Variants in EIF2AK4 observed in about 807,000 individuals in gnomAD.
EIF2AK4 encodes eukaryotic translation initiation factor 2 alpha kinase 4.
EIF2AK4 carries 139 observed loss-of-function variants against 211.1 expected under a neutral mutation model. That is an observed-to-expected ratio of 0.66 (90% CI 0.57 to 0.76). EIF2AK4 has a LOEUF of 0.76. Ranked by LOEUF, EIF2AK4 falls within the 30% of genes least tolerant of loss-of-function variation. The pLI is 0.00. For missense variants in EIF2AK4, 1,664 were observed against 2,043.8 expected (o/e 0.81, Z 3.58); for synonymous variants, 710 against 751.3 (o/e 0.94, Z 0.90).
chr15:40,000,843 A>T, intron 20 of EIF2AK4, 145 bp from the exon 21 acceptor site: 1 of 763,016 alleles, frequency 1.3e-6, no homozygotes, highest in South Asian at 1.7e-5. Context: ...AAAAATAATG[A>T]CCTATTCAGA....
rs369547370 is a variant in EIF2AK4 at position 40,003,142 on chromosome 15, C to T, written c.3236-51C>T. 38 of 1,604,000 alleles carry T rather than the reference C, an allele frequency of 2.4e-5. 1 individual carries two copies. The African/African-American group carries it at 3.2e-4, about 14-fold the overall frequency. ...GTTTGTGTTAATTTTAGGTTGCCTT[C>T]TAAGGAGAATGTGAACCTGATGATG... On this transcript the variant is annotated intron_variant, in intron 22 of 38. Transcript: ENST00000263791.
intron 6 of EIF2AK4, among the ~76,000 whole-genome samples, chr15:39,959,867 G>A (rs2034442056): frequency 6.6e-6 from 1 of 152,154 alleles, no homozygotes; most frequent in African/African-American, 2.4e-5. Context: ...CTGATGTTTA[G>A]AATATGTGGA....
chr15:40,010,052 A>G (rs1185438379), intron 26 of EIF2AK4, among the ~76,000 whole-genome samples: 2 of 152,256 alleles, frequency 1.3e-5, no homozygotes, highest in South Asian at 2.1e-4. Flanking sequence ...CAACCTACTT[A>G]TTAAGGCAAA....
chr15:40,017,102 T>A lies in EIF2AK4; in HGVS notation c.3931-6T>A. 1 of 1,610,258 alleles carries A rather than the reference T, an allele frequency of 6.2e-7. No homozygotes were observed. Among genetic ancestry groups the A allele is most frequent in the Non-Finnish European group, 8.5e-7 (1 of 1,176,686 alleles). On this transcript the variant is annotated splice_polypyrimidine_tract_variant and splice_region_variant and intron_variant, in intron 28 of 38. Coordinates refer to ENST00000263791, the MANE Select transcript of EIF2AK4 (RefSeq NM_001013703.4). ...TGACACATTTGTGTGGCATCTCTCT[T>A]TATAGGTCTTGATCAATTTGGGCTT...
At chr15:39,957,190 A>G (rs1460194993) in intron 6 of EIF2AK4, among the ~76,000 whole-genome samples, 1 of 152,228 alleles carries the variant, frequency 6.6e-6, no homozygotes, top group Non-Finnish European at 1.5e-5. Flanking sequence ...TTTCAGATAT[A>G]TGGAAGATGA....
chr15:39,961,052 C>A (rs2034464778), intron 6 of EIF2AK4, among the ~76,000 whole-genome samples: 1 of 152,158 alleles, frequency 6.6e-6, no homozygotes, highest in South Asian at 2.1e-4. Context: ...ACCCTCTCCC[C>A]TAATTTATTG....
In EIF2AK4 at chr15:40,019,311, C is replaced by T. The variant is rs1393390464; in HGVS notation, c.4173+111C>T. On this transcript the variant is annotated intron_variant, in intron 30 of 38. Transcript: ENST00000263791. ...GGGCTTCTGATGTGAAAGCTATAGA[C>T]GTAGGGTTTTGAAACTTACCTTTAA... is the stretch of plus-strand genomic sequence containing the variant. 2.0e-5 allele frequency: 16 copies of T among 793,316 alleles called. 1 individual carries two copies. In the East Asian group the frequency reaches 2.4e-4, roughly 12 times the overall value. 49.1% of individuals were successfully genotyped at this position (793,316 alleles called of 1,614,324 possible).
At chr15:39,986,619 C>T (rs578255623) in intron 14 of EIF2AK4, among the ~76,000 whole-genome samples, 6 of 152,280 alleles carry the variant, frequency 3.9e-5, no homozygotes, top group African/African-American at 7.2e-5. Context: ...TTTGGGAGGC[C>T]GAGGCGGGTG....
At chr15:39,991,834 T>G in intron 16 of EIF2AK4, 1 of 174,962 alleles carries the variant, frequency 5.7e-6, no homozygotes, top group Non-Finnish European at 1.2e-5. Context: ...GAAAGATGAA[T>G]TTGTTGTTTT....
At chr15:39,962,151 T>TG (rs1304080668) in intron 7 of EIF2AK4, among the ~76,000 whole-genome samples, 1 of 152,268 alleles carries the variant, frequency 6.6e-6, no homozygotes, top group African/African-American at 2.4e-5. Flanking sequence ...CCCAATACTT[T>TG]GGGGGGCCGA....
intron 16 of EIF2AK4, chr15:39,991,126 T>G (rs1243266661): frequency 6.6e-6 from 1 of 152,292 alleles, no homozygotes; most frequent in African/African-American, 2.4e-5. Flanking sequence ...GGAAATGCAG[T>G]TAATTCCAAG....
chr15:40,020,896 C>T lies in EIF2AK4; in HGVS notation c.4174-3C>T, dbSNP rs1295534227. The T allele has an allele frequency of 3.7e-6, 6 of 1,606,424 alleles. No homozygotes were observed. Among genetic ancestry groups the T allele is most frequent in the Non-Finnish European group, 5.1e-6 (6 of 1,176,330 alleles). ...AACTGTAACCGGTCTGTTTCTGATC[C>T]AGGTTACAATAAGCTCTTGTGACCT... On this transcript the variant is annotated splice_polypyrimidine_tract_variant and splice_region_variant and intron_variant, in intron 30 of 38. Coordinates refer to ENST00000263791, the MANE Select transcript of EIF2AK4 (RefSeq NM_001013703.4).
intron 24 of EIF2AK4, 139 bp from the exon 25 acceptor site, chr15:40,007,888 A>G: frequency 1.6e-6 from 1 of 621,244 alleles, no homozygotes; most frequent in South Asian, 3.6e-5. Flanking sequence ...TTCCAGGTCA[A>G]ATTTGTCTTT....
Position 39,997,054 on chromosome 15 carries a change from C to T in EIF2AK4, c.2857C>T (p.Gln953Ter), listed in dbSNP as rs759101551. 1.9e-6 allele frequency: 3 copies of T among 1,611,298 alleles called. No homozygotes were observed. Among genetic ancestry groups the T allele is most frequent in the Non-Finnish European group, 2.5e-6 (3 of 1,177,498 alleles). Residue 953 changes from glutamine (Q) to a stop codon, truncating the protein, a stop_gained, in exon 19 of 39, where the codon CAA becomes TAA. Coordinates refer to ENST00000263791, the MANE Select transcript of EIF2AK4 (RefSeq NM_001013703.4). LOFTEE classifies it high-confidence loss of function. ...TASERIFVLN[Q>*]LRDPTSPKFP... is the part of the protein sequence containing the mutation. The stretch of plus-strand genomic sequence containing the variant: ...TTCAGAAAGGATCTTTGTTCTCAAC[C>T]AACTCAGAGATGTATGTATCAGGTG...
At chr15:39,978,979 G>A (rs1234437468) in intron 13 of EIF2AK4, among the ~76,000 whole-genome samples, 4 of 152,122 alleles carry the variant, frequency 2.6e-5, no homozygotes, top group Non-Finnish European at 4.4e-5. Context: ...GCAAAACTTC[G>A]GTGCAGTTAC....
chr15:39,941,578 A>G (rs1194105321), intron 2 of EIF2AK4, among the ~76,000 whole-genome samples: 1 of 152,242 alleles, frequency 6.6e-6, no homozygotes, highest in African/African-American at 2.4e-5. Flanking sequence ...CTATAATGTT[A>G]TATAAGTGCT....
chr15:40,010,492 T>C (rs2035220598), intron 26 of EIF2AK4, among the ~76,000 whole-genome samples: 1 of 152,164 alleles, frequency 6.6e-6, no homozygotes, highest in African/African-American at 2.4e-5. Flanking sequence ...AGGGGACGCA[T>C]TGAAAAAATG....
intron 37 of EIF2AK4, 92 bp downstream of exon 37, chr15:40,032,893 T>C (rs1369417234): frequency 9.4e-7 from 1 of 1,066,932 alleles, no homozygotes; most frequent in African/African-American, 1.6e-5. Context: ...CATTCATTAG[T>C]GATAGTATTT....
At chr15:39,954,054 A>G in intron 5 of EIF2AK4, 70 bp downstream of exon 5, 2 of 1,277,166 alleles carry the variant, frequency 1.6e-6, no homozygotes, top group Non-Finnish European at 2.1e-6. Flanking sequence ...CACTGATGAC[A>G]TCTGTGTTAC....
Sources: allele counts gnomAD v4.1 joint callset (sites outside exome capture counted in the v4.1 genomes callset), GRCh38; gene constraint gnomAD v4.1.1; transcripts MANE v1.5; gene names NCBI Gene and HGNC (gene_info 2026-07-23, HGNC 2026-07-21).